Variants in ARSB observed in about 807,000 individuals in gnomAD.
ARSB encodes N-acetylgalactosamine-4-sulfatase.
In ARSB, 41 loss-of-function variants were observed where a neutral mutation model predicts 50.9. The observed-to-expected ratio is 0.81, with a 90% CI of 0.63 to 1.04. The LOEUF (loss-of-function observed/expected upper bound fraction) is 1.04. Among genes scored for constraint, ARSB ranks in the 50% least tolerant of loss-of-function variants. ARSB has a pLI of 0.00. For synonymous variants in ARSB, 269 were observed against 284.8 expected (o/e 0.94, Z 0.56); for missense variants, 672 against 693.3 (o/e 0.97, Z 0.35).
At chr5:78,806,581 A>G (rs1275205366) in intron 6 of ARSB, among the ~76,000 whole-genome samples, 3 of 152,198 alleles carry the variant, frequency 2.0e-5, no homozygotes, top group African/African-American at 7.2e-5. Context: ...GTTGCCTCCT[A>G]TTAAGTTCCT....
At chr5:78,955,169 C>G in intron 4 of ARSB, 126 bp downstream of exon 4, 1 of 888,278 alleles carries the variant, frequency 1.1e-6, no homozygotes, top group Non-Finnish European at 1.8e-6. Flanking sequence ...TACCATGTCT[C>G]CACTATTGCA....
chr5:78,956,530 A>G (rs1751734888), intron 3 of ARSB, among the ~76,000 whole-genome samples: 1 of 152,210 alleles, frequency 6.6e-6, no homozygotes, highest in Admixed American at 6.5e-5. Context: ...TTTTGTTTCA[A>G]TAAAGATATT....
At chr5:78,817,186 G>C (rs1411483458) in intron 6 of ARSB, 4 of 851,628 alleles carry the variant, frequency 4.7e-6, no homozygotes, top group Non-Finnish European at 5.6e-6. Context: ...AACAGCTATG[G>C]TGACCACTGT....
chr5:78,959,432 A>G (rs1751887575), intron 3 of ARSB, among the ~76,000 whole-genome samples: 1 of 151,810 alleles, frequency 6.6e-6, no homozygotes, highest in Admixed American at 6.6e-5. Flanking sequence ...GGACTAATAC[A>G]GTAAGAAATC....
chr5:78,920,681 TA>T (rs36036266), intron 4 of ARSB, among the ~76,000 whole-genome samples: 77,324 of 151,810 alleles, frequency 0.51, 20,021 homozygotes, highest in East Asian at 0.74. Context: ...CTTGTCCCCA[TA>T]GAGCTCTGCA....
intron 4 of ARSB, among the ~76,000 whole-genome samples, chr5:78,905,482 T>C (rs1288778451): frequency 6.6e-6 from 1 of 152,118 alleles, no homozygotes; most frequent in African/African-American, 2.4e-5. Context: ...ATCAACCTAG[T>C]GAGACTCAGA....
intron 6 of ARSB, among the ~76,000 whole-genome samples, chr5:78,796,142 T>C (rs575393955): frequency 6.6e-6 from 1 of 152,292 alleles, no homozygotes; most frequent in East Asian, 1.9e-4. Flanking sequence ...ATACCTGAAA[T>C]AGGTTGACAA....
At position 78,933,104 on chromosome 5, in the gene ARSB, T is replaced by C. The variant is rs375145011; in HGVS notation, c.898+22191A>G. ...ACTCTTGAAAGCAGAACCTGGAACT[T>C]TTATATGTGCGTAAACACAGAGGTG... On this transcript the variant is annotated intron_variant, in intron 4 of 7. Transcript: ENST00000264914. Among the ~76,000 whole-genome samples, 12 of 152,310 alleles carry C rather than the reference T, an allele frequency of 7.9e-5. No individual in the cohort carries two copies. In the East Asian group the frequency reaches 1.9e-3, roughly 24 times the overall value.
At chr5:78,817,239 CT>C (rs1744027012) in intron 6 of ARSB, 2 of 424,580 alleles carry the variant, frequency 4.7e-6, no homozygotes, top group Non-Finnish European at 6.3e-6. Context: ...TTCACTCTCT[CT>C]GGTTTATGCT....
intron 5 of ARSB, among the ~76,000 whole-genome samples, chr5:78,844,252 T>G (rs1163454690): frequency 1.3e-5 from 2 of 152,206 alleles, no homozygotes; most frequent in Non-Finnish European, 2.9e-5. Flanking sequence ...TGGTGTAAAG[T>G]GATATCTCAT....
intron 6 of ARSB, among the ~76,000 whole-genome samples, chr5:78,786,125 C>G (rs1419640310): frequency 6.6e-6 from 1 of 152,116 alleles, no homozygotes; most frequent in Non-Finnish European, 1.5e-5. Context: ...CAGAAAGAAA[C>G]CCTGCACCAT....
intron 3 of ARSB, among the ~76,000 whole-genome samples, chr5:78,956,580 T>C (rs1276997201): frequency 6.6e-6 from 1 of 151,938 alleles, no homozygotes; most frequent in Non-Finnish European, 1.5e-5. Flanking sequence ...AAATTGAAAA[T>C]AAAAGCCAGA....
intron 4 of ARSB, among the ~76,000 whole-genome samples, chr5:78,926,869 T>C (rs1365905209): frequency 6.6e-6 from 1 of 152,232 alleles, no homozygotes; most frequent in Non-Finnish European, 1.5e-5. Flanking sequence ...CATGAAAAGA[T>C]AAAAATAAAC....
chr5:78,844,415 G>C (rs546938927), intron 5 of ARSB, among the ~76,000 whole-genome samples: 8 of 152,204 alleles, frequency 5.3e-5, no homozygotes, highest in African/African-American at 1.9e-4. Flanking sequence ...TGAGTTGCAT[G>C]AATTCTTTAT....
intron 5 of ARSB, among the ~76,000 whole-genome samples, chr5:78,847,572 G>C (rs777441307): frequency 6.6e-6 from 1 of 152,162 alleles, no homozygotes; most frequent in Non-Finnish European, 1.5e-5. Context: ...CATAATGCTG[G>C]TCTTGTGGAA....
chr5:78,980,686 ATTAT>A (rs1261471484), intron 1 of ARSB, among the ~76,000 whole-genome samples: 1 of 151,718 alleles, frequency 6.6e-6, no homozygotes, highest in Non-Finnish European at 1.5e-5. Flanking sequence ...AATTCAGAGC[ATTAT>A]TTGTCTACAA....
chr5:78,843,006 T>C (rs183586207), intron 5 of ARSB, among the ~76,000 whole-genome samples: 9 of 152,322 alleles, frequency 5.9e-5, no homozygotes, highest in Non-Finnish European at 2.9e-5. Context: ...TAGAATTACC[T>C]GGGAAGCTTT....
intron 6 of ARSB, among the ~76,000 whole-genome samples, chr5:78,835,511 T>C (rs1041603353): frequency 1.3e-5 from 2 of 152,182 alleles, no homozygotes; most frequent in African/African-American, 2.4e-5. Context: ...AGCGGATCGA[T>C]ACGGTGATGT....
chr5:78,848,513 C>T (rs200048377), intron 5 of ARSB, among the ~76,000 whole-genome samples: 34,783 of 150,556 alleles, frequency 0.23, 4,774 homozygotes, highest in Admixed American at 0.31. Context: ...TGAATAGTGC[C>T]GCAATAAACA....
Sources: allele counts gnomAD v4.1 joint callset (sites outside exome capture counted in the v4.1 genomes callset), GRCh38; gene constraint gnomAD v4.1.1; transcripts MANE v1.5; gene names NCBI Gene and HGNC (gene_info 2026-07-23, HGNC 2026-07-21).